MSRB3: variants seen among roughly 807,000 people sequenced by gnomAD.
MSRB3 encodes methionine-R-sulfoxide reductase B3.
MSRB3 carries 13 observed loss-of-function variants against 21.0 expected under a neutral mutation model. That is an observed-to-expected ratio of 0.62 (90% CI 0.40 to 0.98). The LOEUF (loss-of-function observed/expected upper bound fraction) is 0.98. MSRB3 is among the 50% of genes least tolerant of loss of function. The probability of loss-of-function intolerance (pLI) is 0.00; values close to 1 mark genes in which losing one functional copy is unlikely to be tolerated. For missense variants in MSRB3, 199 were observed against 230.3 expected, an observed-to-expected ratio of 0.86 and a Z score of 0.88; for synonymous variants, 87 against 88.6, an observed-to-expected ratio of 0.98 and a Z score of 0.10.
chr12:65,296,615 A>G (rs2136403730), intron 1 of MSRB3, among the ~76,000 whole-genome samples: 1 of 152,340 alleles, frequency 6.6e-6, no homozygotes, highest in East Asian at 1.9e-4. Flanking sequence ...TCTTTCCTGT[A>G]TACTGCACTG....
chr12:65,337,168 G>A (rs984550062), intron 4 of MSRB3, among the ~76,000 whole-genome samples: 1 of 152,050 alleles, frequency 6.6e-6, no homozygotes, highest in East Asian at 1.9e-4. Flanking sequence ...GCGTGAACCC[G>A]GAAGGCGGAG....
intron 4 of MSRB3, among the ~76,000 whole-genome samples, chr12:65,336,312 G>A (rs1229608119): frequency 6.6e-6 from 1 of 152,154 alleles, no homozygotes; most frequent in East Asian, 1.9e-4. Flanking sequence ...GAAAACTATC[G>A]CAAGGCATGA....
chr12:65,437,810 A>G (rs931488638), intron 5 of MSRB3, among the ~76,000 whole-genome samples: 3 of 151,926 alleles, frequency 2.0e-5, no homozygotes, highest in African/African-American at 7.2e-5. Context: ...CAGATGCTCC[A>G]TTCCTGATCA....
intron 5 of MSRB3, among the ~76,000 whole-genome samples, chr12:65,434,100 C>T (rs139633997): frequency 2.2e-3 from 332 of 151,890 alleles, no homozygotes; most frequent in Non-Finnish European, 3.9e-3. Context: ...GTATGGGGTC[C>T]GTCCTTTCTC....
intron 2 of MSRB3, among the ~76,000 whole-genome samples, chr12:65,325,503 T>C (rs1389779023): frequency 1.3e-5 from 2 of 152,056 alleles, no homozygotes; most frequent in Admixed American, 1.3e-4. Context: ...TCAACCGCTC[T>C]ATCTTGGTGG....
chr12:65,374,906 G>T (rs545924863), intron 5 of MSRB3, among the ~76,000 whole-genome samples: 3 of 152,190 alleles, frequency 2.0e-5, no homozygotes, highest in Admixed American at 1.3e-4. Flanking sequence ...CTGGAGTGCA[G>T]TGGCGCGATC....
chr12:65,368,194 T>C (rs969910486), intron 4 of MSRB3, among the ~76,000 whole-genome samples: 10 of 152,220 alleles, frequency 6.6e-5, no homozygotes, highest in Middle Eastern at 3.2e-3. Flanking sequence ...CAATGTAACA[T>C]CCTTTTAACA....
chr12:65,463,266 G>T lies in MSRB3; in HGVS notation c.502G>T (p.Ala168Ser). ...SFTPADSSGT[A>S]EGGSGVASPA... Reference sequence around the variant, plus strand: ...TACACCTGCGGATAGCAGTGGCACCGCCGAGGGAGGCAGTGGGGTCGCCAG... The same window carrying T: ...TACACCTGCGGATAGCAGTGGCACCTCCGAGGGAGGCAGTGGGGTCGCCAG... Residue 168 changes from alanine to serine, a missense_variant, in exon 7 of 7, where the codon GCC becomes TCC. Transcript: ENST00000308259. 6.2e-7 allele frequency: 1 copy of T among 1,614,178 alleles called. No individual in the cohort carries two copies. Among genetic ancestry groups the T allele is most frequent in the Non-Finnish European group, 8.5e-7 (1 of 1,180,034 alleles).
chr12:65,441,046 T>A (rs1411014860), intron 5 of MSRB3, among the ~76,000 whole-genome samples: 3 of 151,962 alleles, frequency 2.0e-5, no homozygotes, highest in Non-Finnish European at 2.9e-5. Flanking sequence ...AATTTCATTT[T>A]TTTTTGGTAA....
At chr12:65,419,887 G>A (rs988181762) in intron 5 of MSRB3, 10 of 632,254 alleles carry the variant, frequency 1.6e-5, no homozygotes, top group Middle Eastern at 7.5e-4. Flanking sequence ...ATGGAGATCC[G>A]GGAACCAGAG....
chr12:65,281,737 G>T (rs780865436), intron 1 of MSRB3: 5 of 152,196 alleles, frequency 3.3e-5, no homozygotes, highest in African/African-American at 4.8e-5. Flanking sequence ...TAGGGATACC[G>T]CCAGAGAGCA....
In MSRB3 at chr12:65,316,747, C is replaced by T. The variant is rs141480241; in HGVS notation, c.76+8092C>T. On this transcript the variant is annotated intron_variant, in intron 2 of 6. Transcript: ENST00000308259. ...AGGAGTTATATACTTGAAGGTTTGA[C>T]GATTCTATATGAACACTTTCTCTTT... 4.5e-3 allele frequency among the ~76,000 whole-genome samples: 685 copies of T among 152,182 alleles called. 4 individuals are homozygous for T. The highest frequency in any genetic ancestry group is 0.015 in the African/African-American group (625 of 41,526).
intron 4 of MSRB3, among the ~76,000 whole-genome samples, chr12:65,341,465 AC>A (rs1317178051): frequency 6.6e-6 from 1 of 151,958 alleles, no homozygotes; most frequent in East Asian, 1.9e-4. Context: ...GTTATGAAGA[AC>A]AAAAAATTGA....
rs548103145 is a variant in MSRB3 at position 65,287,670 on chromosome 12, T to A, written c.-52+8805T>A. On this transcript the variant is annotated intron_variant, in intron 1 of 6. Transcript: ENST00000308259. ...GTAATTGAGAGCAAAAAGGAAAAAGTGCACTGTAGTCCCCCTTGTTTCTGA... is the reference window on the plus strand; with the variant it reads ...GTAATTGAGAGCAAAAAGGAAAAAGAGCACTGTAGTCCCCCTTGTTTCTGA... 2.0e-5 allele frequency among the ~76,000 whole-genome samples: 3 copies of A among 152,248 alleles called. No homozygotes were observed. The East Asian group carries it at 5.8e-4, about 29-fold the overall frequency.
intron 1 of MSRB3, among the ~76,000 whole-genome samples, chr12:65,307,198 CAT>C (rs1873705270): frequency 1.3e-5 from 2 of 152,150 alleles, no homozygotes; most frequent in South Asian, 4.1e-4. Context: ...GTGAAAATGA[CAT>C]GTTTATTTAT....
chr12:65,453,657 T>G (rs981660402), intron 5 of MSRB3, 71 bp from the exon 6 acceptor site: 3 of 1,138,162 alleles, frequency 2.6e-6, no homozygotes, highest in African/African-American at 1.5e-5. Flanking sequence ...AGTATTTCTT[T>G]AAAATGCATT....
intron 4 of MSRB3, among the ~76,000 whole-genome samples, chr12:65,330,317 C>CTCTAT (rs1875328445): frequency 6.6e-6 from 1 of 152,140 alleles, no homozygotes; most frequent in East Asian, 1.9e-4. Flanking sequence ...TGTGATATTG[C>CTCTAT]CTCTATTTCA....
intron 5 of MSRB3, among the ~76,000 whole-genome samples, chr12:65,449,867 G>A (rs897683579): frequency 3.3e-5 from 5 of 152,148 alleles, no homozygotes; most frequent in Admixed American, 3.3e-4. Context: ...GCTTCAACTT[G>A]TTTACACTCT....
intron 1 of MSRB3, among the ~76,000 whole-genome samples, chr12:65,291,846 G>A (rs1211345083): frequency 6.6e-6 from 1 of 152,202 alleles, no homozygotes; most frequent in Non-Finnish European, 1.5e-5. Context: ...ATAGTGTTCT[G>A]TGTGATGGAA....
Sources: allele counts gnomAD v4.1 joint callset (sites outside exome capture counted in the v4.1 genomes callset), GRCh38; gene constraint gnomAD v4.1.1; transcripts MANE v1.5; gene names NCBI Gene and HGNC (gene_info 2026-07-23, HGNC 2026-07-21).